RNF144A: variants seen among roughly 807,000 people sequenced by gnomAD.
RNF144A encodes E3 ubiquitin-protein ligase RNF144A.
RNF144A carries 11 observed loss-of-function variants against 38.7 expected under a neutral mutation model. That is an observed-to-expected ratio of 0.28 (90% confidence interval 0.18 to 0.47). The LOEUF (loss-of-function observed/expected upper bound fraction) is 0.47, where lower values mean the gene tolerates loss of function less well. Ranked by LOEUF, RNF144A falls within the 20% of genes least tolerant of loss-of-function variation. RNF144A has a pLI of 0.99. For missense variants in RNF144A, 316 were observed against 377.2 expected (o/e 0.84, Z 1.34); for synonymous variants, 149 against 143.9 (o/e 1.04, Z -0.25).
chr2:6,945,273 A>G (rs569368842), intron 2 of RNF144A, among the ~76,000 whole-genome samples: 1 of 152,356 alleles, frequency 6.6e-6, no homozygotes, highest in South Asian at 2.1e-4. Context: ...TGTAGAAATG[A>G]GCAGTATTTT....
intron 6 of RNF144A, among the ~76,000 whole-genome samples, chr2:7,022,861 T>C (rs1446881832): frequency 6.6e-6 from 1 of 152,232 alleles, no homozygotes; most frequent in Non-Finnish European, 1.5e-5. Context: ...AGTTCATTCT[T>C]TATCACATTC....
At chr2:7,053,866 G>T (rs1443855745) in intron 6 of RNF144A, among the ~76,000 whole-genome samples, 1 of 152,216 alleles carries the variant, frequency 6.6e-6, no homozygotes, top group Non-Finnish European at 1.5e-5. Flanking sequence ...ACTGTCATTT[G>T]AGAAAGATAT....
At chr2:6,933,630 A>G (rs570173752) in intron 1 of RNF144A, among the ~76,000 whole-genome samples, 3 of 152,006 alleles carry the variant, frequency 2.0e-5, no homozygotes, top group East Asian at 1.9e-4. Context: ...AGGAAAAAAA[A>G]TGGAGAATAA....
At chr2:6,919,347 C>T (rs967787872) in intron 1 of RNF144A, among the ~76,000 whole-genome samples, 3 of 152,188 alleles carry the variant, frequency 2.0e-5, no homozygotes, top group Non-Finnish European at 2.9e-5. Context: ...TTCTCTTCTC[C>T]GGTACTGAGA....
At chr2:7,002,129 C>T (rs74403483) in intron 3 of RNF144A, among the ~76,000 whole-genome samples, 8 of 152,294 alleles carry the variant, frequency 5.3e-5, no homozygotes, top group African/African-American at 1.9e-4. Flanking sequence ...GTGGCATTTC[C>T]TCACCTAGAA....
chr2:7,020,825 C>G (rs1401921987), intron 6 of RNF144A, 145 bp downstream of exon 6: 10 of 667,906 alleles, frequency 1.5e-5, no homozygotes, highest in East Asian at 2.6e-5. Flanking sequence ...GAGCCTCACT[C>G]AAGCCTGTCA....
At position 6,941,847 on chromosome 2, in the gene RNF144A, C is replaced by T. The variant is rs942545871; in HGVS notation, c.-12+700C>T. Among the ~76,000 whole-genome samples, 7 of 152,200 alleles carry T rather than the reference C, an allele frequency of 4.6e-5. No homozygotes were observed. Among genetic ancestry groups the T allele is most frequent in the African/African-American group, 1.7e-4 (7 of 41,440 alleles). The stretch of plus-strand genomic sequence containing the variant: ...GCTGGTGGCTGCAGCATACGGACAG[C>T]TGGAGGAGCACCCAGGCCAGCCTGG... On this transcript the variant is annotated intron_variant, in intron 2 of 8. Transcript: ENST00000320892. The surrounding 1 kb of genome is among the most constrained non-coding windows in gnomAD (Gnocchi z 6.5).
intron 2 of RNF144A, among the ~76,000 whole-genome samples, chr2:6,975,715 A>G (rs542098713): frequency 1.1e-4 from 16 of 152,230 alleles, no homozygotes; most frequent in African/African-American, 3.6e-4. Context: ...GGTCCCAGCT[A>G]CTTGGGAGGC....
At chr2:7,069,328 A>C (rs542344618), downstream of RNF144A, among the ~76,000 whole-genome samples, 3 of 152,302 alleles carry the variant, frequency 2.0e-5, no homozygotes, top group South Asian at 6.2e-4. Flanking sequence ...AATTTTTAGC[A>C]ACAAATTAAT....
At chr2:7,073,241 C>T (rs1385643099), downstream of RNF144A, among the ~76,000 whole-genome samples, 1 of 152,184 alleles carries the variant, frequency 6.6e-6, no homozygotes, top group Non-Finnish European at 1.5e-5. Context: ...TGTGGGAAGC[C>T]TTTCTCAGTC....
At position 7,043,311 on chromosome 2, in the gene RNF144A, T is replaced by G. The variant is rs1673162800; in HGVS notation, c.*3551T>G. ...AAAAATTACTTCAAGATGAGTTTAT[T>G]GTTTTCATTTGTATTGCAAAAGTTA... On this transcript the variant is annotated 3_prime_UTR_variant, in exon 9 of 9. Transcript: ENST00000320892. 1 of 985,202 alleles carries G rather than the reference T, an allele frequency of 1.0e-6. No homozygotes were observed. Among genetic ancestry groups the G allele is most frequent in the South Asian group, 4.7e-5 (1 of 21,294 alleles). The allele number at this position is 985,202 out of a possible 1,614,324, so 61.0% of individuals were successfully genotyped here. A position where few individuals can be genotyped will look rare whatever the true frequency, so the allele number is the denominator to read the frequency against.
chr2:7,048,628 G>A (rs1431800640), downstream of RNF144A, among the ~76,000 whole-genome samples: 1 of 152,168 alleles, frequency 6.6e-6, no homozygotes, highest in Non-Finnish European at 1.5e-5. Context: ...TAGGGGCCAC[G>A]TTGCTTGGAA....
intron 5 of RNF144A, among the ~76,000 whole-genome samples, chr2:7,019,647 A>G (rs1269402943): frequency 6.6e-6 from 1 of 152,246 alleles, no homozygotes; most frequent in Non-Finnish European, 1.5e-5. Flanking sequence ...CTGATCGAGA[A>G]TTCGGCATCA....
chr2:6,959,320 G>A (rs1329329905), intron 2 of RNF144A, among the ~76,000 whole-genome samples: 7 of 152,162 alleles, frequency 4.6e-5, no homozygotes, highest in African/African-American at 1.7e-4. Flanking sequence ...ATTGAAAGGC[G>A]GGATGGAAGT....
At chr2:7,060,004 A>T (rs1673890984) in intron 6 of RNF144A, among the ~76,000 whole-genome samples, 2 of 152,260 alleles carry the variant, frequency 1.3e-5, no homozygotes, top group Non-Finnish European at 2.9e-5. Flanking sequence ...AAATGCTATC[A>T]TAGGAAAATA....
intron 2 of RNF144A, among the ~76,000 whole-genome samples, chr2:6,948,047 A>G (rs1666453237): frequency 6.6e-6 from 1 of 152,226 alleles, no homozygotes; most frequent in South Asian, 2.1e-4. Context: ...GGAAGAGGGA[A>G]GGAGGTCAGT....
In RNF144A at chr2:7,043,959, A is replaced by G. The variant is rs577819466; in HGVS notation, c.*4199A>G. The G allele has an allele frequency of 2.0e-6, 2 of 985,882 alleles. No individual in the cohort carries two copies. The highest frequency in any genetic ancestry group is 3.5e-5 in the African/African-American group (2 of 57,372). 61.1% of individuals were successfully genotyped at this position (985,882 alleles called of 1,614,324 possible). The stretch of plus-strand genomic sequence containing the variant: ...AAACAGATTTGATTTGTGTTTTTGA[A>G]ATGTCAGTACATTTTGTGCCACTAA... On this transcript the variant is annotated 3_prime_UTR_variant, in exon 9 of 9. Transcript: ENST00000320892.
At chr2:6,966,900 C>T (rs1172478388) in intron 2 of RNF144A, among the ~76,000 whole-genome samples, 2 of 152,140 alleles carry the variant, frequency 1.3e-5, no homozygotes, top group African/African-American at 2.4e-5. Context: ...TGGCCACTTC[C>T]ACCCGGAAGC....
intron 2 of RNF144A, among the ~76,000 whole-genome samples, chr2:6,971,178 C>T (rs1667980118): frequency 6.6e-6 from 1 of 152,198 alleles, no homozygotes; most frequent in African/African-American, 2.4e-5. Context: ...GTTGCAGGAG[C>T]TCCAGCTGGT....
Sources: gnomAD v4.1 joint callset for allele counts (sites outside exome capture counted in the v4.1 genomes callset) on GRCh38, gnomAD v4.1.1 for gene constraint, Gnocchi (gnomAD v3.1) non-coding constraint, MANE v1.5 for transcripts, NCBI Gene and HGNC (gene_info 2026-07-23, HGNC 2026-07-21) for gene names.